The following PANK1 variants were observed in gnomAD, a reference collection of about 807,000 sequenced individuals.
The protein encoded by PANK1 is pantothenate kinase 1, also known as pantothenic acid kinase 1.
PANK1 carries 18 observed loss-of-function variants against 40.1 expected under a neutral mutation model. The ratio of observed to expected loss-of-function variants is 0.45; its 90% CI spans 0.31 to 0.67. The LOEUF is 0.67. Ranked by LOEUF, PANK1 falls within the 30% of genes least tolerant of loss-of-function variation. The pLI is 0.06. For synonymous variants in PANK1, 242 were observed against 237.7 expected, an observed-to-expected ratio of 1.02 and a Z score of -0.17; for missense variants, 457 against 599.6, an observed-to-expected ratio of 0.76 and a Z score of 2.48.
At chr10:89,640,279 C>T (rs1169548395) in intron 1 of PANK1, among the ~76,000 whole-genome samples, 2 of 152,278 alleles carry the variant, frequency 1.3e-5, no homozygotes, top group African/African-American at 4.8e-5. Flanking sequence ...TTCCTAACAA[C>T]AGAGAAATCT....
intron 2 of PANK1, among the ~76,000 whole-genome samples, chr10:89,608,422 A>G (rs1267125812): frequency 6.6e-6 from 1 of 152,198 alleles, no homozygotes; most frequent in Admixed American, 6.5e-5. Context: ...AAGGAGGAAC[A>G]AAGTGCAGAC....
At chr10:89,580,226 G>C (rs1844028264), downstream of PANK1, 1 of 151,724 alleles carries the variant, frequency 6.6e-6, no homozygotes, top group African/African-American at 2.4e-5. Flanking sequence ...ACTGCATGAG[G>C]TCTGGCACAA....
rs117697988 is a variant in PANK1 at position 89,603,998 on chromosome 10, C to A, written c.646-4493G>T. ...GACATTCCACAGATTCATAGGTGTC[C>A]TACCCGCTCCTGATGCTTTTCCATC... On this transcript the variant is annotated intron_variant, in intron 2 of 6. Transcript: ENST00000307534. 4.7e-3 allele frequency among the ~76,000 whole-genome samples: 722 copies of A among 152,268 alleles called. 2 individuals carry two copies. The highest frequency in any genetic ancestry group is 6.8e-3 in the Non-Finnish European group (465 of 68,022).
intron 1 of PANK1, among the ~76,000 whole-genome samples, chr10:89,629,430 C>G (rs912380064): frequency 9.9e-5 from 15 of 152,224 alleles, no homozygotes; most frequent in African/African-American, 3.1e-4. Flanking sequence ...TAAATATGAA[C>G]ATTCAAAATA....
chr10:89,600,690 G>A (rs1589773601), intron 2 of PANK1, among the ~76,000 whole-genome samples: 2 of 152,112 alleles, frequency 1.3e-5, no homozygotes, highest in East Asian at 3.9e-4. Context: ...GCTAGGCTTA[G>A]GGTCTGGTAG....
intron 1 of PANK1, chr10:89,643,705 T>A (rs573829689): frequency 6.2e-7 from 1 of 1,613,664 alleles, no homozygotes; most frequent in African/African-American, 1.3e-5. Flanking sequence ...ACTTTGCTTT[T>A]TGCCATTTAT....
At chr10:89,636,522 G>T (rs1294896497) in intron 1 of PANK1, among the ~76,000 whole-genome samples, 1 of 151,568 alleles carries the variant, frequency 6.6e-6, no homozygotes, top group Non-Finnish European at 1.5e-5. Flanking sequence ...TGCGATCTTG[G>T]CTCACTGCAA....
At chr10:89,610,379 T>C (rs1845115732) in intron 2 of PANK1, among the ~76,000 whole-genome samples, 1 of 152,090 alleles carries the variant, frequency 6.6e-6, no homozygotes, top group African/African-American at 2.4e-5. Flanking sequence ...ATCATGAGCC[T>C]CTTTGGTGAG....
chr10:89,642,482 C>A (rs7908017), intron 1 of PANK1, among the ~76,000 whole-genome samples: 6,266 of 152,204 alleles, frequency 0.041, 376 homozygotes, highest in African/African-American at 0.13. Flanking sequence ...CTAAAGTTTG[C>A]GTTTAAAGCA....
intron 1 of PANK1, among the ~76,000 whole-genome samples, chr10:89,627,763 C>G (rs1273985530): frequency 6.6e-6 from 1 of 152,120 alleles, no homozygotes; most frequent in African/African-American, 2.4e-5. Context: ...ATGTAGGGCA[C>G]CCTCCTAAGC....
intron 2 of PANK1, among the ~76,000 whole-genome samples, chr10:89,608,607 C>A (rs754591649): frequency 6.6e-6 from 1 of 152,110 alleles, no homozygotes; most frequent in Non-Finnish European, 1.5e-5. Context: ...GCTTACTATT[C>A]GGGGTCTGTT....
intron 2 of PANK1, among the ~76,000 whole-genome samples, chr10:89,600,957 C>T (rs1844761625): frequency 6.6e-6 from 1 of 152,122 alleles, no homozygotes; most frequent in Non-Finnish European, 1.5e-5. Flanking sequence ...CTCCCTAAAA[C>T]CCTAAAAGTT....
At chr10:89,579,499 A>G (rs1314704569), downstream of PANK1, 1 of 152,202 alleles carries the variant, frequency 6.6e-6, no homozygotes, top group East Asian at 1.9e-4. Context: ...TCAATATATT[A>G]TTTTACGTGA....
chr10:89,605,402 A>G (rs1844932016), intron 2 of PANK1, among the ~76,000 whole-genome samples: 1 of 152,232 alleles, frequency 6.6e-6, no homozygotes, highest in Admixed American at 6.5e-5. Flanking sequence ...TGCTTTATCA[A>G]CTAAGTTTAT....
At chr10:89,613,565 A>G (rs1845225753) in intron 1 of PANK1, among the ~76,000 whole-genome samples, 1 of 152,214 alleles carries the variant, frequency 6.6e-6, no homozygotes, top group African/African-American at 2.4e-5. Context: ...TTGAGCAGGA[A>G]CTCTAGCATT....
chr10:89,587,754 C>T (rs7893156), intron 6 of PANK1, among the ~76,000 whole-genome samples: 93,352 of 152,012 alleles, frequency 0.61, 29,180 homozygotes, highest in East Asian at 0.93. Context: ...AGAAAGCTTT[C>T]ATTAATGATT....
At position 89,598,722 on chromosome 10, in the gene PANK1, G is replaced by GTT. The variant is rs1166775683; in HGVS notation, c.899+529_899+530insAA. 1.1e-3 allele frequency among the ~76,000 whole-genome samples: 175 copies of GTT among 152,298 alleles called. 2 individuals carry two copies. The highest frequency in any genetic ancestry group is 4.0e-3 in the African/African-American group (166 of 41,554). On this transcript the variant is annotated intron_variant, in intron 3 of 6. Transcript: ENST00000307534. ...ACCATGGCCATGGGGCTGTTTCCCT[G>GTT]TCTACTCCACTCCAAAATTCCCTAG...
In PANK1 at chr10:89,644,965, A is replaced by G; in HGVS notation, c.-74T>C. On this transcript the variant is annotated 5_prime_UTR_variant, in exon 1 of 7. Transcript: ENST00000307534. ...CTGGAGGTCATTCTCCGGCGTCTTT[A>G]TTTCCCCGGATCCTCCCTGCGGCTT... 6.4e-7 allele frequency: 1 copy of G among 1,573,648 alleles called. No homozygotes were observed. Among genetic ancestry groups the G allele is most frequent in the Admixed American group, 1.8e-5 (1 of 55,482 alleles).
chr10:89,638,920 C>T (rs1258884407), intron 1 of PANK1, among the ~76,000 whole-genome samples: 2 of 151,948 alleles, frequency 1.3e-5, no homozygotes, highest in East Asian at 1.9e-4. Flanking sequence ...CTGTTCATAG[C>T]AACATAGGCT....
Sources: allele counts gnomAD v4.1 joint callset (sites outside exome capture counted in the v4.1 genomes callset), GRCh38; gene constraint gnomAD v4.1.1; transcripts MANE v1.5; gene names NCBI Gene and HGNC (gene_info 2026-07-23, HGNC 2026-07-21).